TOP1: variants seen among roughly 807,000 people sequenced by gnomAD.
The protein encoded by TOP1 is DNA topoisomerase I, also known as DNA topoisomerase 1.
A neutral mutation model predicts 111.1 loss-of-function variants in TOP1; 10 were observed. That is an observed-to-expected ratio of 0.09 (90% CI 0.06 to 0.15). The LOEUF is 0.15. Among genes scored for constraint, TOP1 ranks in the 10% least tolerant of loss-of-function variants. The pLI is 1.00. For synonymous variants in TOP1, 271 were observed against 302.9 expected (o/e 0.89, Z 1.10); for missense variants, 474 against 926.7 (o/e 0.51, Z 6.34).
intron 2 of TOP1, among the ~76,000 whole-genome samples, chr20:41,033,909 A>G (rs1217654194): frequency 6.6e-6 from 1 of 152,196 alleles, no homozygotes; most frequent in Non-Finnish European, 1.5e-5. Flanking sequence ...GGGAAAATGA[A>G]TTCAAATGTA....
chr20:41,114,029 C>T lies in TOP1; in HGVS notation c.1512C>T (p.Cys504=), dbSNP rs1443790880. The change falls in exon 15 of 21, where the codon TGC becomes TGT. Residue 504 remains cysteine, a synonymous_variant. Coordinates refer to ENST00000361337, the MANE Select transcript of TOP1 (RefSeq NM_003286.4). The surrounding 1 kb of genome is among the most constrained non-coding windows in gnomAD (Gnocchi z 4.5). The part of the protein sequence containing the change: ...EEGETADTVG[C]CSLRVEHINL... ...GAGAAACAGCGGACACTGTGGGCTG[C>T]TGCTCACTTCGTGTGGAGCACATCA... 5.0e-6 allele frequency: 8 copies of T among 1,613,348 alleles called. No homozygotes were observed. Among genetic ancestry groups the T allele is most frequent in the Non-Finnish European group, 6.8e-6 (8 of 1,179,788 alleles).
At chr20:41,090,964 T>C (rs2145945051) in intron 8 of TOP1, among the ~76,000 whole-genome samples, 1 of 152,338 alleles carries the variant, frequency 6.6e-6, no homozygotes, top group Admixed American at 6.5e-5. Flanking sequence ...GAATTAATTT[T>C]TGTGTATAAT....
intron 3 of TOP1, among the ~76,000 whole-genome samples, chr20:41,074,116 A>G (rs2033698280): frequency 1.3e-5 from 2 of 152,202 alleles, no homozygotes; most frequent in Admixed American, 6.5e-5. Context: ...TTGCTCTTTG[A>G]CCATTCATTC....
intron 13 of TOP1, among the ~76,000 whole-genome samples, chr20:41,111,866 C>T (rs1322376333): frequency 2.0e-5 from 3 of 152,070 alleles, no homozygotes; most frequent in Admixed American, 1.3e-4. Flanking sequence ...TTCTGGATTT[C>T]TTGAATTTTT....
rs1353585730 is a variant in TOP1 at position 41,121,099 on chromosome 20, G to A, written c.1951-597G>A. Among the ~76,000 whole-genome samples, 2 of 152,166 alleles carry A rather than the reference G, an allele frequency of 1.3e-5. No individual in the cohort carries two copies. The highest frequency in any genetic ancestry group is 2.9e-5 in the Non-Finnish European group (2 of 68,038). ...CTAAGCCCTGCCATGTCCTGGTTTGGGACAGACTGGCTGAGCTGTTTGGCT... is the reference window on the plus strand; with the variant it reads ...CTAAGCCCTGCCATGTCCTGGTTTGAGACAGACTGGCTGAGCTGTTTGGCT... On this transcript the variant is annotated intron_variant, in intron 18 of 20. Coordinates refer to ENST00000361337, the MANE Select transcript of TOP1 (RefSeq NM_003286.4). The surrounding 1 kb of genome is among the most constrained non-coding windows in gnomAD (Gnocchi z 4.2).
intron 3 of TOP1, among the ~76,000 whole-genome samples, chr20:41,064,079 A>AT (rs928662922): frequency 2.0e-5 from 3 of 152,120 alleles, no homozygotes; most frequent in Non-Finnish European, 4.4e-5. Context: ...TCTTGAATTG[A>AT]TTTTTGTATG....
Position 41,093,243 on chromosome 20 carries a change from T to C in TOP1, c.730+656T>C, listed in dbSNP as rs550749876. Reference sequence around the variant, plus strand: ...TGAGGGTAGCCTTTGACATGCCTCCTGTTGGCAGTGTAGCAGTATGTAGAT... The same window carrying C: ...TGAGGGTAGCCTTTGACATGCCTCCCGTTGGCAGTGTAGCAGTATGTAGAT... On this transcript the variant is annotated intron_variant, in intron 9 of 20. Transcript: ENST00000361337. 4.7e-4 allele frequency among the ~76,000 whole-genome samples: 72 copies of C among 152,340 alleles called. No individual in the cohort carries two copies. The South Asian group carries it at 0.014, about 31-fold the overall frequency.
chr20:41,123,087 CTCACTAG>C lies in TOP1; in HGVS notation c.2196-107_2196-101del. ...GCTTGGTGCACTATTAATTTGCATC[CTCACTAG>C]ACAGATGTGAAAGAGAAGATGGAAC... On this transcript the variant is annotated intron_variant, in intron 20 of 20. Coordinates refer to ENST00000361337, the MANE Select transcript of TOP1 (RefSeq NM_003286.4). This position sits in a 1 kb window ranked among gnomAD's most constrained non-coding sequence, Gnocchi z 5.8. 1 of 695,260 alleles carries C rather than the reference CTCACTAG, an allele frequency of 1.4e-6. No individual in the cohort carries two copies. The highest frequency in any genetic ancestry group is 2.5e-6 in the Non-Finnish European group (1 of 395,912). The allele number at this position is 695,260 out of a possible 1,614,324, so 43.1% of individuals were successfully genotyped here.
rs1056626294 is a variant in TOP1, at chr20:41,112,307, T to C, written c.1309-475T>C. Among the ~76,000 whole-genome samples the C allele has an allele frequency of 6.6e-6, 1 of 152,180 alleles. No homozygotes were observed. The highest frequency in any genetic ancestry group is 2.4e-5 in the African/African-American group (1 of 41,434). ...CAGAGTTGGCAGCAAGGCTGTGAAA[T>C]TGATGTGGGAATGGGGGTGATTATG... is the stretch of plus-strand genomic sequence containing the variant. On this transcript the variant is annotated intron_variant, in intron 13 of 20. Transcript: ENST00000361337. The surrounding 1 kb of genome is among the most constrained non-coding windows in gnomAD (Gnocchi z 5.8).
rs536609215 is a variant in TOP1, at chr20:41,110,234, G to A, written c.1309-2548G>A. Among the ~76,000 whole-genome samples, 6 of 152,220 alleles carry A rather than the reference G, an allele frequency of 3.9e-5. No homozygotes were observed. The South Asian group carries it at 6.2e-4, about 16-fold the overall frequency. On this transcript the variant is annotated intron_variant, in intron 13 of 20. Coordinates refer to ENST00000361337, the MANE Select transcript of TOP1 (RefSeq NM_003286.4). The surrounding 1 kb of genome is among the most constrained non-coding windows in gnomAD (Gnocchi z 4.2). The stretch of plus-strand genomic sequence containing the variant: ...TGAGGGGTAGAGGTTGCACTGAGCC[G>A]AGATTGCATCACTGTACTCCAGCCT...
chr20:41,029,629 C>A lies in TOP1; in HGVS notation c.58+174C>A, dbSNP rs1051650297. ...CGCCTCTTGACCCCCTTTCCGGGGA[C>A]CCCAGCTCCTCCAGATCCCGGCCCT... On this transcript the variant is annotated intron_variant, in intron 2 of 20. Coordinates refer to ENST00000361337, the MANE Select transcript of TOP1 (RefSeq NM_003286.4). The surrounding 1 kb of genome is among the most constrained non-coding windows in gnomAD (Gnocchi z 6.1). The A allele has an allele frequency of 3.0e-6, 2 of 676,722 alleles. No individual in the cohort carries two copies. The highest frequency in any genetic ancestry group is 5.9e-5 in the East Asian group (2 of 33,762). 41.9% of individuals were successfully genotyped at this position (676,722 alleles called of 1,614,324 possible). A position where few individuals can be genotyped will look rare whatever the true frequency, so the allele number is the denominator to read the frequency against.
rs980547666 is a variant in TOP1, at chr20:41,029,339, G to A, written c.34-92G>A. 18 of 1,207,934 alleles carry A rather than the reference G, an allele frequency of 1.5e-5. 1 individual carries two copies. The highest frequency in any genetic ancestry group is 2.0e-5 in the Non-Finnish European group (18 of 896,168). 74.8% of individuals were successfully genotyped at this position (1,207,934 alleles called of 1,614,324 possible). A position where few individuals can be genotyped will look rare whatever the true frequency, so the allele number is the denominator to read the frequency against. On this transcript the variant is annotated intron_variant, in intron 1 of 20. Coordinates refer to ENST00000361337, the MANE Select transcript of TOP1 (RefSeq NM_003286.4). The surrounding 1 kb of genome is among the most constrained non-coding windows in gnomAD (Gnocchi z 6.1). ...CCCCGGGTCCCCGTCCTCCCCGGGG[G>A]CGCAGGGTGAGCCAGACCCCGGCCG...
chr20:41,065,985 T>C (rs2033601860), intron 3 of TOP1, among the ~76,000 whole-genome samples: 1 of 152,134 alleles, frequency 6.6e-6, no homozygotes, highest in East Asian at 1.9e-4. Flanking sequence ...TTAGATAACC[T>C]TTGACCGTGA....
At chr20:41,056,277 A>G (rs539589894) in intron 2 of TOP1, among the ~76,000 whole-genome samples, 128 of 152,220 alleles carry the variant, frequency 8.4e-4, no homozygotes, top group African/African-American at 3.0e-3. Context: ...AAGGCATCCC[A>G]TTCTTTTAGT....
Position 41,100,343 on chromosome 20 carries a change from G to A in TOP1, c.1163+100G>A, listed in dbSNP as rs551045404. 1.9e-4 allele frequency: 196 copies of A among 1,006,898 alleles called. No homozygotes were observed. The highest frequency in any genetic ancestry group is 2.9e-4 in the Admixed American group (11 of 37,654). 62.4% of individuals were successfully genotyped at this position (1,006,898 alleles called of 1,614,324 possible). A position where few individuals can be genotyped will look rare whatever the true frequency, so the allele number is the denominator to read the frequency against. ...AGGTTACACAGGACTGTTTGGGAAG[G>A]GAGATACTTAAGAGCAGGACAGTAT... is the stretch of plus-strand genomic sequence containing the variant. On this transcript the variant is annotated intron_variant, in intron 12 of 20. Coordinates refer to ENST00000361337, the MANE Select transcript of TOP1 (RefSeq NM_003286.4). This position sits in a 1 kb window ranked among gnomAD's most constrained non-coding sequence, Gnocchi z 4.4.
intron 18 of TOP1, among the ~76,000 whole-genome samples, chr20:41,120,942 C>A (rs1266064272): frequency 6.6e-6 from 1 of 152,168 alleles, no homozygotes; most frequent in Non-Finnish European, 1.5e-5. Flanking sequence ...GGGGTTTCAC[C>A]GTGTTAGCCA....
chr20:41,082,424 T>G lies in TOP1; in HGVS notation c.507+1184T>G, dbSNP rs2033799072. On this transcript the variant is annotated intron_variant, in intron 7 of 20. Transcript: ENST00000361337. This position sits in a 1 kb window ranked among gnomAD's most constrained non-coding sequence, Gnocchi z 4.1. ...TGCAGAAATAGAGTATAGAAATATT[T>G]AATCATTTGCCTGAGGTCACATAGC... Among the ~76,000 whole-genome samples, 1 of 152,214 alleles carries G rather than the reference T, an allele frequency of 6.6e-6. No individual in the cohort carries two copies. The highest frequency in any genetic ancestry group is 2.4e-5 in the African/African-American group (1 of 41,458).
At position 41,114,994 on chromosome 20, in the gene TOP1, A is replaced by G. The variant is rs1207597857; in HGVS notation, c.1639-377A>G. ...GCTGATACTGTGTAAATGTAAGGGAATATCTATTTTTAGAACATACACACT... is the reference window on the plus strand; with the variant it reads ...GCTGATACTGTGTAAATGTAAGGGAGTATCTATTTTTAGAACATACACACT... On this transcript the variant is annotated intron_variant, in intron 15 of 20. Coordinates refer to ENST00000361337, the MANE Select transcript of TOP1 (RefSeq NM_003286.4). The surrounding 1 kb of genome is among the most constrained non-coding windows in gnomAD (Gnocchi z 4.5). 6.6e-6 allele frequency among the ~76,000 whole-genome samples: 1 copy of G among 152,246 alleles called. No homozygotes were observed. Among genetic ancestry groups the G allele is most frequent in the Non-Finnish European group, 1.5e-5 (1 of 68,046 alleles).
Position 41,071,466 on chromosome 20 carries a change from TC to T in TOP1, c.156-4701del, listed in dbSNP as rs201189830. Among the ~76,000 whole-genome samples, 10,242 of 152,118 alleles carry T rather than the reference TC, an allele frequency of 0.067. 373 individuals carry two copies. Among genetic ancestry groups the T allele is most frequent in the Middle Eastern group, 0.17 (50 of 294 alleles). On this transcript the variant is annotated intron_variant, in intron 3 of 20. Coordinates refer to ENST00000361337, the MANE Select transcript of TOP1 (RefSeq NM_003286.4). This position sits in a 1 kb window ranked among gnomAD's most constrained non-coding sequence, Gnocchi z 4.3. ...TTCAAGTGATTCTCCTGCCTCAGCC[TC>T]CCCAGTAGCTGGGATTACAGGCATG...
Sources: gnomAD v4.1 joint callset for allele counts (sites outside exome capture counted in the v4.1 genomes callset) on GRCh38, gnomAD v4.1.1 for gene constraint, Gnocchi (gnomAD v3.1) non-coding constraint, MANE v1.5 for transcripts, NCBI Gene and HGNC (gene_info 2026-07-23, HGNC 2026-07-21) for gene names.